Variants in RBMS1 observed in about 807,000 individuals in gnomAD.
RBMS1 encodes RNA-binding motif, single-stranded-interacting protein 1.
A neutral mutation model predicts 62.3 loss-of-function variants in RBMS1; 17 were observed. The ratio of observed to expected loss-of-function variants is 0.27; its 90% CI spans 0.19 to 0.41. RBMS1 has a LOEUF of 0.41. RBMS1 is among the 10% of genes least tolerant of loss of function. The pLI, the probability that RBMS1 is intolerant of heterozygous loss-of-function variation, is 1.00. For missense variants in RBMS1, 334 were observed against 504.5 expected, an observed-to-expected ratio of 0.66 and a Z score of 3.24; for synonymous variants, 172 against 170.0, an observed-to-expected ratio of 1.01 and a Z score of -0.09.
At chr2:160,385,416 A>T (rs1694518850) in intron 1 of RBMS1, among the ~76,000 whole-genome samples, 1 of 152,190 alleles carries the variant, frequency 6.6e-6, no homozygotes, top group South Asian at 2.1e-4. Context: ...TAACTAAAAC[A>T]ACAACAACAA....
intron 1 of RBMS1, among the ~76,000 whole-genome samples, chr2:160,387,839 A>G (rs1212192165): frequency 6.6e-6 from 1 of 152,066 alleles, no homozygotes; most frequent in Non-Finnish European, 1.5e-5. Flanking sequence ...GAAAAAAAAA[A>G]AGAAAAGAAA....
chr2:160,407,950 C>T (rs984647346), intron 1 of RBMS1: 2 of 978,722 alleles, frequency 2.0e-6, no homozygotes, highest in African/African-American at 1.8e-5. Flanking sequence ...CACCGCCTCG[C>T]GCCGCGCCCA....
chr2:160,451,349 C>T (rs982924793), intron 1 of RBMS1, among the ~76,000 whole-genome samples: 1 of 151,996 alleles, frequency 6.6e-6, no homozygotes, highest in African/African-American at 2.4e-5. Flanking sequence ...TGAGTGTTCA[C>T]CTTCCAGTGC....
At chr2:160,469,606 G>A (rs1684836760) in intron 1 of RBMS1, among the ~76,000 whole-genome samples, 1 of 152,148 alleles carries the variant, frequency 6.6e-6, no homozygotes. Flanking sequence ...CTTTTCTTCA[G>A]GGAGTCACTA....
chr2:160,368,604 T>A (rs966382088), intron 1 of RBMS1, among the ~76,000 whole-genome samples: 2 of 152,206 alleles, frequency 1.3e-5, no homozygotes, highest in Non-Finnish European at 2.9e-5. Flanking sequence ...CCTAATTCCA[T>A]AATATCTCAA....
chr2:160,392,491 G>C (rs1332829193), intron 1 of RBMS1, among the ~76,000 whole-genome samples: 2 of 150,064 alleles, frequency 1.3e-5, no homozygotes, highest in Non-Finnish European at 3.0e-5. Flanking sequence ...CCCAACTATA[G>C]ATAGTGTATG....
At chr2:160,439,019 G>C (rs2105298668) in intron 1 of RBMS1, among the ~76,000 whole-genome samples, 1 of 147,026 alleles carries the variant, frequency 6.8e-6, no homozygotes, top group Middle Eastern at 3.9e-3. Context: ...GCGGGGGGCT[G>C]ACCCCCCAAT....
intron 1 of RBMS1, among the ~76,000 whole-genome samples, chr2:160,373,411 C>T (rs1426699265): frequency 6.6e-6 from 1 of 152,132 alleles, no homozygotes; most frequent in African/African-American, 2.4e-5. Flanking sequence ...CCTTCCAGAT[C>T]CCATCAAGAC....
At chr2:160,364,374 A>C (rs1202977150) in intron 2 of RBMS1, among the ~76,000 whole-genome samples, 1 of 152,220 alleles carries the variant, frequency 6.6e-6, no homozygotes, top group Non-Finnish European at 1.5e-5. Context: ...GAGCTGGTTG[A>C]CATCTTTCAT....
At chr2:160,403,267 C>T (rs1377709930) in intron 1 of RBMS1, among the ~76,000 whole-genome samples, 1 of 152,210 alleles carries the variant, frequency 6.6e-6, no homozygotes, top group African/African-American at 2.4e-5. Context: ...CTTTCTGCTA[C>T]TCTCCACTAA....
At chr2:160,452,289 G>A (rs1684024682) in intron 1 of RBMS1, among the ~76,000 whole-genome samples, 1 of 152,186 alleles carries the variant, frequency 6.6e-6, no homozygotes, top group African/African-American at 2.4e-5. Context: ...GGCTATCATG[G>A]TGAGCTAATA....
chr2:160,277,162 A>G, intron 12 of RBMS1, 141 bp downstream of exon 12: 1 of 703,616 alleles, frequency 1.4e-6, no homozygotes. Flanking sequence ...TTGGACTTAC[A>G]GGCATGACCC....
intron 2 of RBMS1, among the ~76,000 whole-genome samples, chr2:160,330,293 G>T (rs575322369): frequency 3.3e-5 from 5 of 152,300 alleles, no homozygotes; most frequent in African/African-American, 1.2e-4. Flanking sequence ...CGGTCATGGT[G>T]AACACGAAGG....
chr2:160,490,474 C>T (rs1386476374), intron 1 of RBMS1, among the ~76,000 whole-genome samples: 1 of 152,040 alleles, frequency 6.6e-6, no homozygotes, highest in Non-Finnish European at 1.5e-5. Context: ...AGACATATTA[C>T]TTTTTCTAAT....
intron 4 of RBMS1, among the ~76,000 whole-genome samples, chr2:160,304,212 ATTTTAC>A (rs1204692025): frequency 6.6e-6 from 1 of 152,092 alleles, no homozygotes; most frequent in Non-Finnish European, 1.5e-5. Flanking sequence ...AAGGAGTTTG[ATTTTAC>A]TTTGTCAGTC....
chr2:160,371,503 C>G (rs886849760), intron 1 of RBMS1, among the ~76,000 whole-genome samples: 2 of 152,152 alleles, frequency 1.3e-5, no homozygotes, highest in Non-Finnish European at 2.9e-5. Flanking sequence ...TCAGGTCAGG[C>G]AAACAAACTA....
chr2:160,294,716 T>C (rs548837536), intron 6 of RBMS1, among the ~76,000 whole-genome samples: 3 of 152,340 alleles, frequency 2.0e-5, no homozygotes, highest in African/African-American at 7.2e-5. Context: ...TCATCCCAGA[T>C]AATTCTGCTT....
intron 2 of RBMS1, among the ~76,000 whole-genome samples, chr2:160,352,170 G>T (rs1692552641): frequency 6.6e-6 from 1 of 152,104 alleles, no homozygotes; most frequent in Non-Finnish European, 1.5e-5. Flanking sequence ...GGGCTTAAGA[G>T]AAGTTCTGTT....
chr2:160,493,118 G>A (rs1197976031), intron 1 of RBMS1, 171 bp downstream of exon 1: 10 of 590,090 alleles, frequency 1.7e-5, no homozygotes, highest in South Asian at 1.6e-4. Flanking sequence ...GGAAGCCGCC[G>A]CCCCGCGCGC....
Sources: allele counts gnomAD v4.1 joint callset (sites outside exome capture counted in the v4.1 genomes callset), GRCh38; gene constraint gnomAD v4.1.1; transcripts MANE v1.5; gene names NCBI Gene and HGNC (gene_info 2026-07-23, HGNC 2026-07-21).